The following CTNNA3 variants were observed in gnomAD, a reference collection of about 807,000 sequenced individuals.
CTNNA3 encodes catenin alpha 3.
CTNNA3 carries 76 observed loss-of-function variants against 95.7 expected under a neutral mutation model. The ratio of observed to expected loss-of-function variants is 0.79; its 90% CI spans 0.66 to 0.96. CTNNA3 has a LOEUF of 0.96. CTNNA3 is among the 40% of genes least tolerant of loss of function. The probability of loss-of-function intolerance (pLI) is 0.00; values close to 1 mark genes in which losing one functional copy is unlikely to be tolerated. For synonymous variants in CTNNA3, 431 were observed against 374.4 expected (o/e 1.15, Z -1.74); for missense variants, 1,191 against 1,089.8 (o/e 1.09, Z -1.31).
intron 9 of CTNNA3, among the ~76,000 whole-genome samples, chr10:66,677,417 A>G (rs2132489906): frequency 6.6e-6 from 1 of 151,762 alleles, no homozygotes; most frequent in East Asian, 1.9e-4. Flanking sequence ...TTTTTTAATC[A>G]GACTCAATAG....
At chr10:66,493,538 T>A (rs1355553507) in intron 11 of CTNNA3, among the ~76,000 whole-genome samples, 1 of 151,972 alleles carries the variant, frequency 6.6e-6, no homozygotes, top group Admixed American at 6.6e-5. Context: ...CAAATCTACC[T>A]GGCACTTTTA....
At chr10:66,748,906 C>T (rs1226935576) in intron 9 of CTNNA3, among the ~76,000 whole-genome samples, 1 of 151,878 alleles carries the variant, frequency 6.6e-6, no homozygotes, top group African/African-American at 2.4e-5. Flanking sequence ...GGCACGGTGG[C>T]TCACACCTGT....
intron 1 of CTNNA3, among the ~76,000 whole-genome samples, chr10:67,709,805 C>T (rs1841097025): frequency 1.3e-5 from 2 of 152,100 alleles, no homozygotes; most frequent in South Asian, 4.1e-4. Context: ...CTATAAATTC[C>T]CACTTGCCCA....
chr10:67,453,093 C>T (rs1047231809), intron 5 of CTNNA3, among the ~76,000 whole-genome samples: 5 of 152,110 alleles, frequency 3.3e-5, no homozygotes, highest in African/African-American at 4.8e-5. Flanking sequence ...TATGTAGGAG[C>T]ACTACAGCCT....
At chr10:66,940,243 T>C (rs1589455755) in intron 7 of CTNNA3, among the ~76,000 whole-genome samples, 1 of 152,140 alleles carries the variant, frequency 6.6e-6, no homozygotes, top group East Asian at 1.9e-4. Flanking sequence ...CTCATGCCTA[T>C]AGGCCCAGCA....
chr10:67,680,748 T>A (rs1038620444), intron 1 of CTNNA3, among the ~76,000 whole-genome samples: 1 of 152,236 alleles, frequency 6.6e-6, no homozygotes, highest in Non-Finnish European at 1.5e-5. Context: ...GAAAGTTAAT[T>A]TTTATAAATG....
intron 17 of CTNNA3, among the ~76,000 whole-genome samples, chr10:65,954,580 G>A (rs2077691328): frequency 6.6e-6 from 1 of 152,146 alleles, no homozygotes; most frequent in Admixed American, 6.5e-5. Context: ...GTAAGGAAGG[G>A]ATCCAGTTTC....
At chr10:67,258,871 A>G (rs2132383505) in intron 5 of CTNNA3, among the ~76,000 whole-genome samples, 1 of 152,310 alleles carries the variant, frequency 6.6e-6, no homozygotes, top group East Asian at 1.9e-4. Flanking sequence ...ATCCCCACTG[A>G]TACCAGAATT....
At chr10:67,303,840 A>G (rs904070109) in intron 5 of CTNNA3, among the ~76,000 whole-genome samples, 7 of 152,288 alleles carry the variant, frequency 4.6e-5, no homozygotes, top group Admixed American at 3.3e-4. Context: ...CTAACCTGTC[A>G]CTGAATTCTC....
intron 10 of CTNNA3, among the ~76,000 whole-genome samples, chr10:66,563,541 A>G (rs1055666845): frequency 1.3e-5 from 2 of 152,132 alleles, no homozygotes; most frequent in African/African-American, 4.8e-5. Flanking sequence ...TATGAGAAAG[A>G]AAAATAAATC....
chr10:65,918,647 A>G lies in CTNNA3; in HGVS notation c.*1683T>C, dbSNP rs2077035902. Reference sequence around the variant, plus strand: ...ATTGTAGGCCAGTCTATGGTGCAAAACAGGGAGGAGTTTATTGCCTTCACC... The same window carrying G: ...ATTGTAGGCCAGTCTATGGTGCAAAGCAGGGAGGAGTTTATTGCCTTCACC... On this transcript the variant is annotated 3_prime_UTR_variant, in exon 18 of 18. Coordinates refer to ENST00000433211, the MANE Select transcript of CTNNA3 (RefSeq NM_013266.4). 1 of 152,172 alleles carries G rather than the reference A, an allele frequency of 6.6e-6. No homozygotes were observed. Among genetic ancestry groups the G allele is most frequent in the Non-Finnish European group, 1.5e-5 (1 of 68,030 alleles). The allele number at this position is 152,172 out of a possible 1,614,324, so 9.4% of individuals were successfully genotyped here.
chr10:67,689,857 C>T (rs1391295974), intron 1 of CTNNA3, among the ~76,000 whole-genome samples: 1 of 151,950 alleles, frequency 6.6e-6, no homozygotes, highest in African/African-American at 2.4e-5. Context: ...CGACAGGTGC[C>T]CAGTATTTAC....
At position 66,637,859 on chromosome 10, in the gene CTNNA3, C is replaced by T. The variant is rs1314375711; in HGVS notation, c.1282-16075G>A. Among the ~76,000 whole-genome samples the T allele has an allele frequency of 2.0e-5, 3 of 152,162 alleles. No homozygotes were observed. In the East Asian group the frequency reaches 5.8e-4, roughly 29 times the overall value. On this transcript the variant is annotated intron_variant, in intron 9 of 17. Transcript: ENST00000433211. ...CTCTGACTACTATGGATCCCTCCTG[C>T]CCCTGGCTGCCAGTCTTTGGAAAGC...
intron 7 of CTNNA3, among the ~76,000 whole-genome samples, chr10:66,846,971 A>G (rs1169489126): frequency 1.3e-5 from 2 of 152,322 alleles, no homozygotes; most frequent in Admixed American, 1.3e-4. Context: ...ATTCACAAAC[A>G]ACAGATTCTT....
At chr10:67,667,272 A>G (rs1440476265) in intron 1 of CTNNA3, among the ~76,000 whole-genome samples, 2 of 151,956 alleles carry the variant, frequency 1.3e-5, no homozygotes, top group Non-Finnish European at 2.9e-5. Context: ...ACAACTTAAC[A>G]CTCACTTAGT....
intron 7 of CTNNA3, among the ~76,000 whole-genome samples, chr10:66,975,687 T>C (rs943693278): frequency 6.6e-6 from 1 of 152,136 alleles, no homozygotes; most frequent in African/African-American, 2.4e-5. Flanking sequence ...CACAAGTTTA[T>C]CTGGTTCTCC....
rs530281618 is a variant in CTNNA3 at position 65,915,697 on chromosome 10, T to C, written c.*4633A>G. 3 of 152,166 alleles carry C rather than the reference T, an allele frequency of 2.0e-5. No homozygotes were observed. Among genetic ancestry groups the C allele is most frequent in the Non-Finnish European group, 4.4e-5 (3 of 68,022 alleles). 9.4% of individuals were successfully genotyped at this position (152,166 alleles called of 1,614,324 possible). ...GATTCTGGTCAGGTTGAGTTCCATT[T>C]GGAGACAGCTCTCTCAATTAACATT... On this transcript the variant is annotated 3_prime_UTR_variant, in exon 18 of 18. Coordinates refer to ENST00000433211, the MANE Select transcript of CTNNA3 (RefSeq NM_013266.4).
Position 66,530,943 on chromosome 10 carries a change from C to G in CTNNA3, c.1375-10170G>C, listed in dbSNP as rs544286009. Among the ~76,000 whole-genome samples, 287 of 152,178 alleles carry G rather than the reference C, an allele frequency of 1.9e-3. 1 individual carries two copies. The highest frequency in any genetic ancestry group is 4.4e-3 in the Admixed American group (67 of 15,282). ...TATATGCCAGTATAAATTTTCGTAT[C>G]TCATAAAACATACTGCTGAAGAGGA... On this transcript the variant is annotated intron_variant, in intron 10 of 17. Coordinates refer to ENST00000433211, the MANE Select transcript of CTNNA3 (RefSeq NM_013266.4).
At chr10:66,609,584 T>C (rs1006213301) in intron 10 of CTNNA3, among the ~76,000 whole-genome samples, 7 of 151,760 alleles carry the variant, frequency 4.6e-5, no homozygotes, top group African/African-American at 1.5e-4. Flanking sequence ...TGGCTATTAC[T>C]AAAAAGTCAA....
Sources: allele counts gnomAD v4.1 joint callset (sites outside exome capture counted in the v4.1 genomes callset), GRCh38; gene constraint gnomAD v4.1.1; transcripts MANE v1.5; gene names NCBI Gene and HGNC (gene_info 2026-07-23, HGNC 2026-07-21).